CUL2: variants seen among roughly 807,000 people sequenced by gnomAD.
The protein encoded by CUL2 is cullin-2.
A neutral mutation model predicts 110.2 loss-of-function variants in CUL2; 22 were observed. That is an observed-to-expected ratio of 0.20 (90% CI 0.14 to 0.28). The LOEUF (loss-of-function observed/expected upper bound fraction) is 0.28. Ranked by LOEUF, CUL2 falls within the 10% of genes least tolerant of loss-of-function variation. The pLI is 1.00. For synonymous variants in CUL2, 279 were observed against 293.2 expected (o/e 0.95, Z 0.49); for missense variants, 631 against 905.5 (o/e 0.70, Z 3.89).
rs915291009 is a variant in CUL2, at chr10:35,066,307, C to CT, written c.120-3246dup. ...TTAACAGTAAAAAAGAATTTGCTGA[C>CT]TTTTTTTTTTTTTGAGACGGAGTTT... On this transcript the variant is annotated intron_variant, in intron 2 of 20. Transcript: ENST00000374749. 1.0e-3 allele frequency among the ~76,000 whole-genome samples: 145 copies of CT among 145,484 alleles called. 1 individual carries two copies. Among genetic ancestry groups the CT allele is most frequent in the Middle Eastern group, 3.5e-3 (1 of 282 alleles).
intron 2 of CUL2, chr10:35,099,560 T>G (rs1323073495): frequency 6.6e-6 from 1 of 151,752 alleles, no homozygotes; most frequent in Non-Finnish European, 1.5e-5. Flanking sequence ...AGGTCACGAG[T>G]TCAAGACTAG....
chr10:35,031,261 G>A lies in CUL2; in HGVS notation c.1386+39C>T, dbSNP rs773398808. On this transcript the variant is annotated intron_variant, in intron 14 of 20. Coordinates refer to ENST00000374749, the MANE Select transcript of CUL2 (RefSeq NM_003591.4). The surrounding 1 kb of genome is among the most constrained non-coding windows in gnomAD (Gnocchi z 4.4). ...TGAACATCTTTATGTGCTTGTGAATGAATTTCTAGGACAATACCACATTAA... is the reference window on the plus strand; with the variant it reads ...TGAACATCTTTATGTGCTTGTGAATAAATTTCTAGGACAATACCACATTAA... The A allele has an allele frequency of 1.4e-5, 18 of 1,283,056 alleles. No individual in the cohort carries two copies. The South Asian group carries it at 1.5e-4, about 10-fold the overall frequency. 79.5% of individuals were successfully genotyped at this position (1,283,056 alleles called of 1,614,324 possible). A position where few individuals can be genotyped will look rare whatever the true frequency, so the allele number is the denominator to read the frequency against.
intron 4 of CUL2, among the ~76,000 whole-genome samples, chr10:35,056,972 G>A (rs190468907): frequency 2.2e-4 from 33 of 152,258 alleles, no homozygotes; most frequent in Admixed American, 1.8e-3. Flanking sequence ...CCTCTGCCCC[G>A]ATTATGTGGA....
chr10:35,079,870 A>G (rs149296220), intron 1 of CUL2, among the ~76,000 whole-genome samples: 2 of 152,282 alleles, frequency 1.3e-5, no homozygotes, highest in African/African-American at 4.8e-5. Context: ...CAAATACTGC[A>G]AAACTGCAAC....
At chr10:35,015,620 C>T (rs2134631075) in intron 18 of CUL2, among the ~76,000 whole-genome samples, 1 of 151,704 alleles carries the variant, frequency 6.6e-6, no homozygotes, top group East Asian at 1.9e-4. Context: ...ACTATGACAA[C>T]AAAACAGCAA....
At chr10:35,096,891 C>T (rs965642690) in intron 2 of CUL2, among the ~76,000 whole-genome samples, 1 of 151,288 alleles carries the variant, frequency 6.6e-6, no homozygotes, top group Non-Finnish European at 1.5e-5. Flanking sequence ...CTCACTGCAA[C>T]CTCTGCCTCC....
intron 1 of CUL2, among the ~76,000 whole-genome samples, chr10:35,107,191 G>A (rs1163266170): frequency 6.6e-6 from 1 of 151,816 alleles, no homozygotes; most frequent in Non-Finnish European, 1.5e-5. Context: ...AGCCAGGATG[G>A]TCTTGATCTC....
Position 35,108,454 on chromosome 10 carries a change from C to CA in CUL2, c.-50-7395dup, listed in dbSNP as rs774124021. On this transcript the variant is annotated intron_variant, in intron 1 of 5. Coordinates refer to the CUL2 transcript ENST00000685421. ...CCTGGGCGACAGTTAGACCCTGACTCAAAAAAAAAAAAAGGAAAAAAAGAA... is the reference window on the plus strand; with the variant it reads ...CCTGGGCGACAGTTAGACCCTGACTCAAAAAAAAAAAAAAGGAAAAAAAGAA... Among the ~76,000 whole-genome samples, 661 of 96,104 alleles carry CA rather than the reference C, an allele frequency of 6.9e-3. 4 individuals are homozygous for CA. Among genetic ancestry groups the CA allele is most frequent in the Admixed American group, 7.7e-3 (67 of 8,694 alleles). 63.0% of individuals were successfully genotyped at this position (96,104 alleles called of 152,430 possible).
chr10:35,045,453 C>T (rs951188958), intron 6 of CUL2, among the ~76,000 whole-genome samples: 1 of 151,704 alleles, frequency 6.6e-6, no homozygotes, highest in Non-Finnish European at 1.5e-5. Context: ...GTGGCACACA[C>T]CTGTGGTCCC....
At chr10:35,056,143 T>G (rs1231533511) in intron 4 of CUL2, among the ~76,000 whole-genome samples, 2 of 152,248 alleles carry the variant, frequency 1.3e-5, no homozygotes, top group Non-Finnish European at 2.9e-5. Flanking sequence ...CTCTAGAATG[T>G]ACAGTATACA....
chr10:35,124,439 A>G (rs547554577), intron 1 of CUL2, among the ~76,000 whole-genome samples: 23 of 152,266 alleles, frequency 1.5e-4, no homozygotes, highest in Non-Finnish European at 3.2e-4. Flanking sequence ...TAAATTAAAA[A>G]AAAAAGAGAC....
chr10:35,029,757 T>A, intron 14 of CUL2, 117 bp from the exon 15 acceptor site: 1 of 673,624 alleles, frequency 1.5e-6, no homozygotes, highest in Non-Finnish European at 2.4e-6. Context: ...CATATACACT[T>A]ATACCCAAGG....
chr10:35,022,172 T>A (rs1189316244), intron 17 of CUL2, among the ~76,000 whole-genome samples: 1 of 152,160 alleles, frequency 6.6e-6, no homozygotes, highest in Non-Finnish European at 1.5e-5. Context: ...ACCTGAGACA[T>A]AGAAAATGTT....
chr10:35,125,992 G>C (rs1179411377), intron 1 of CUL2, among the ~76,000 whole-genome samples: 1 of 152,152 alleles, frequency 6.6e-6, no homozygotes, highest in Non-Finnish European at 1.5e-5. Flanking sequence ...ACCACTCCTA[G>C]CTAATTTTTG....
rs2086921978 is a variant in CUL2, at chr10:35,080,498, T to C, written c.-22-9159A>G. On this transcript the variant is annotated intron_variant, in intron 1 of 20. Coordinates refer to ENST00000374749, the MANE Select transcript of CUL2 (RefSeq NM_003591.4). Reference sequence around the variant, plus strand: ...ATTTATTTTTGAGACAGGGTCTTGTTCTGTCACCCAGTGCAGTGGTGTGAT... The same window carrying C: ...ATTTATTTTTGAGACAGGGTCTTGTCCTGTCACCCAGTGCAGTGGTGTGAT... Among the ~76,000 whole-genome samples the C allele has an allele frequency of 3.3e-5, 5 of 152,002 alleles. No individual in the cohort carries two copies. The South Asian group carries it at 1.0e-3, about 32-fold the overall frequency.
Position 35,044,881 on chromosome 10 carries a change from A to G in CUL2, c.507-13T>C, listed in dbSNP as rs751270337. 3.6e-5 allele frequency: 57 copies of G among 1,570,192 alleles called. 1 individual carries two copies. In the South Asian group the frequency reaches 4.6e-4, roughly 13 times the overall value. ...TCCACCACGATCACTAAAACAAGGT[A>G]TAACACAAAATATTCTTGAGAATAC... On this transcript the variant is annotated splice_polypyrimidine_tract_variant and intron_variant, in intron 6 of 20. Transcript: ENST00000374749.
chr10:35,012,020 G>C, intron 19 of CUL2, 56 bp from the exon 20 acceptor site: 1 of 886,110 alleles, frequency 1.1e-6, no homozygotes, highest in Non-Finnish European at 1.7e-6. Flanking sequence ...CACTGAACTT[G>C]TTTTCAATTC....
chr10:35,010,054 C>T lies in CUL2; in HGVS notation c.*257G>A, dbSNP rs570550726. The T allele has an allele frequency of 1.3e-4, 27 of 210,714 alleles. No homozygotes were observed. In the East Asian group the frequency reaches 2.5e-3, roughly 20 times the overall value. The allele number at this position is 210,714 out of a possible 1,614,324, so 13.1% of individuals were successfully genotyped here. On this transcript the variant is annotated 3_prime_UTR_variant, in exon 21 of 21. Transcript: ENST00000374749. ...AGGGGAGAAAAAGCATGGTACCCAA[C>T]CGAATTTCCACTTTTCAGCAATACT...
At position 35,009,724 on chromosome 10, in the gene CUL2, T is replaced by A. The variant is rs1317216743; in HGVS notation, c.*587A>T. ...AGTCAAGAACAATAATCTAGACATT[T>A]TTCATGTAGGATTTAAATAGGAGTA... On this transcript the variant is annotated 3_prime_UTR_variant, in exon 21 of 21. Coordinates refer to ENST00000374749, the MANE Select transcript of CUL2 (RefSeq NM_003591.4). 1.3e-5 allele frequency: 2 copies of A among 152,612 alleles called. No individual in the cohort carries two copies. Among genetic ancestry groups the A allele is most frequent in the Admixed American group, 1.3e-4 (2 of 15,274 alleles). The allele number at this position is 152,612 out of a possible 1,614,324, so 9.5% of individuals were successfully genotyped here. A position where few individuals can be genotyped will look rare whatever the true frequency, so the allele number is the denominator to read the frequency against.
Sources: allele counts gnomAD v4.1 joint callset (sites outside exome capture counted in the v4.1 genomes callset), GRCh38; gene constraint gnomAD v4.1.1; non-coding constraint Gnocchi (gnomAD v3.1); transcripts MANE v1.5; gene names NCBI Gene and HGNC (gene_info 2026-07-23, HGNC 2026-07-21).